Variants in PDE2A observed in about 807,000 individuals in gnomAD.
The protein encoded by PDE2A is phosphodiesterase 2A, also known as cGMP-dependent 3',5'-cyclic phosphodiesterase.
PDE2A carries 53 observed loss-of-function variants against 133.6 expected under a neutral mutation model. The observed-to-expected ratio is 0.40, with a 90% CI of 0.32 to 0.50. The LOEUF (loss-of-function observed/expected upper bound fraction) is 0.50. Among genes scored for constraint, PDE2A ranks in the 20% least tolerant of loss-of-function variants. PDE2A has a pLI of 0.73. For missense variants in PDE2A, 796 were observed against 1,232.4 expected, an observed-to-expected ratio of 0.65 and a Z score of 5.30; for synonymous variants, 491 against 490.2, an observed-to-expected ratio of 1.00 and a Z score of -0.02.
rs550852955 is a variant in PDE2A at position 72,621,978 on chromosome 11, C to A, written c.145-13227G>T. 7.9e-5 allele frequency among the ~76,000 whole-genome samples: 12 copies of A among 152,180 alleles called. No homozygotes were observed. In the East Asian group the frequency reaches 2.3e-3, roughly 29 times the overall value. ...GGTAATATCTGGAATATATAAAGAA[C>A]CCCTGCAATTCAATAACAACAAAAA... On this transcript the variant is annotated intron_variant, in intron 2 of 30. Coordinates refer to ENST00000334456, the MANE Select transcript of PDE2A (RefSeq NM_002599.5).
At position 72,674,278 on chromosome 11, in the gene PDE2A, A is replaced by G. The variant is rs1436350565; in HGVS notation, c.-71T>C. 1.4e-6 allele frequency: 2 copies of G among 1,478,690 alleles called. No individual in the cohort carries two copies. The highest frequency in any genetic ancestry group is 9.2e-7 in the Non-Finnish European group (1 of 1,089,686). 91.6% of individuals were successfully genotyped at this position (1,478,690 alleles called of 1,614,324 possible). ...GCCCTGTCCCCGCTGCCTGGAGTTC[A>G]GGGCAGGGCACCCCCAGCAGGCACA... On this transcript the variant is annotated 5_prime_UTR_variant, in exon 1 of 31. Coordinates refer to ENST00000334456, the MANE Select transcript of PDE2A (RefSeq NM_002599.5).
At chr11:72,668,218 G>C in intron 1 of PDE2A, 1 of 716,326 alleles carries the variant, frequency 1.4e-6, no homozygotes, top group African/African-American at 1.7e-5. Context: ...CTGCCATCTG[G>C]AACAGTAATG....
chr11:72,615,639 G>A (rs767719713), intron 2 of PDE2A, among the ~76,000 whole-genome samples: 10 of 150,298 alleles, frequency 6.7e-5, no homozygotes, highest in Non-Finnish European at 1.3e-4. Flanking sequence ...GGGAAGAACC[G>A]AGAGTGGTCC....
intron 19 of PDE2A, 190 bp from the exon 20 acceptor site, chr11:72,583,705 C>T: frequency 1.7e-6 from 1 of 594,764 alleles, no homozygotes; most frequent in Admixed American, 2.9e-5. Context: ...GCGCCGGTTC[C>T]TCCTCATCAA....
chr11:72,645,033 G>A (rs767450400), intron 1 of PDE2A, among the ~76,000 whole-genome samples: 2 of 152,200 alleles, frequency 1.3e-5, no homozygotes, highest in Non-Finnish European at 2.9e-5. Flanking sequence ...GGGATTACAG[G>A]TGTGAGCCAC....
At chr11:72,662,986 G>A (rs1855114670) in intron 1 of PDE2A, among the ~76,000 whole-genome samples, 1 of 152,040 alleles carries the variant, frequency 6.6e-6, no homozygotes, top group Admixed American at 6.6e-5. Context: ...TCACACCTTT[G>A]CTCTTACGGG....
At chr11:72,610,456 C>A (rs952727983) in intron 2 of PDE2A, among the ~76,000 whole-genome samples, 2 of 152,164 alleles carry the variant, frequency 1.3e-5, no homozygotes, top group Non-Finnish European at 2.9e-5. Context: ...GGCTTCAGCT[C>A]CAAATTTCAC....
At chr11:72,652,919 C>G (rs1264097469) in intron 1 of PDE2A, among the ~76,000 whole-genome samples, 1 of 152,238 alleles carries the variant, frequency 6.6e-6, no homozygotes, top group Admixed American at 6.5e-5. Context: ...AGACCACAGT[C>G]CCCTCCTCTC....
At position 72,608,821 on chromosome 11, in the gene PDE2A, C is replaced by G. The variant is rs1857083490; in HGVS notation, c.145-70G>C. 5 of 826,674 alleles carry G rather than the reference C, an allele frequency of 6.0e-6. No homozygotes were observed. The South Asian group carries it at 7.2e-5, about 12-fold the overall frequency. 51.2% of individuals were successfully genotyped at this position (826,674 alleles called of 1,614,324 possible). On this transcript the variant is annotated intron_variant, in intron 2 of 30. Coordinates refer to ENST00000334456, the MANE Select transcript of PDE2A (RefSeq NM_002599.5). ...AGGGCAGCCCCATCTGCCCAAAGGA[C>G]TGTGAGCAAAACCCCCCAGCTTAGT...
Position 72,590,380 on chromosome 11 carries a change from G to T in PDE2A, c.703+47C>A, listed in dbSNP as rs778757501. The T allele has an allele frequency of 6.4e-6, 10 of 1,567,092 alleles. No homozygotes were observed. ...CCTAACCCGCCCACCTCCCCTCCAA[G>T]TTCTGCCCGGCCCCGCCCTCGTGAC... On this transcript the variant is annotated intron_variant, in intron 8 of 30. Transcript: ENST00000334456. This position sits in a 1 kb window ranked among gnomAD's most constrained non-coding sequence, Gnocchi z 4.8.
chr11:72,664,364 A>ATTTTTTTTTTTTTTTT lies in PDE2A; in HGVS notation c.71+9757_71+9772dup, dbSNP rs34217943. On this transcript the variant is annotated intron_variant, in intron 1 of 30. Transcript: ENST00000334456. ...CAAAATAGGGCTAGCCCCTTGAAGG[A>ATTTTTTTTTTTTTTTT]TTTTTTTTTTTTTTTTTTTTTTTTT... is the stretch of plus-strand genomic sequence containing the variant. Among the ~76,000 whole-genome samples, 18 of 70,104 alleles carry ATTTTTTTTTTTTTTTT rather than the reference A, an allele frequency of 2.6e-4. 2 individuals are homozygous for ATTTTTTTTTTTTTTTT. The highest frequency in any genetic ancestry group is 3.3e-4 in the Non-Finnish European group (13 of 38,974). The allele number at this position is 70,104 out of a possible 152,430, so 46.0% of individuals were successfully genotyped here.
At chr11:72,616,446 C>T (rs1422536494) in intron 2 of PDE2A, among the ~76,000 whole-genome samples, 2 of 152,210 alleles carry the variant, frequency 1.3e-5, no homozygotes, top group Non-Finnish European at 2.9e-5. Flanking sequence ...CTCCAGGTCT[C>T]CAGCATTACC....
chr11:72,663,054 C>A (rs1406061505), intron 1 of PDE2A, among the ~76,000 whole-genome samples: 1 of 152,188 alleles, frequency 6.6e-6, no homozygotes, highest in African/African-American at 2.4e-5. Context: ...CTCAGTTGTT[C>A]TTTAAGGCTA....
intron 13 of PDE2A, among the ~76,000 whole-genome samples, chr11:72,588,453 C>A (rs976247520): frequency 6.6e-6 from 1 of 152,174 alleles, no homozygotes; most frequent in Non-Finnish European, 1.5e-5. Context: ...GTTGATGATG[C>A]TTTGTGGGTC....
Position 72,584,547 on chromosome 11 carries a change from G to T in PDE2A, c.1537+4C>A. On this transcript the variant is annotated splice_donor_region_variant and intron_variant, in intron 18 of 30. Transcript: ENST00000334456. ...CGCCCCTCCGCCCGGGCCGCCACGC[G>T]CACCCTGGTTCTCGTTCTTGATGGG... is the stretch of plus-strand genomic sequence containing the variant. 2 of 1,602,270 alleles carry T rather than the reference G, an allele frequency of 1.2e-6. No individual in the cohort carries two copies. Among genetic ancestry groups the T allele is most frequent in the Non-Finnish European group, 1.7e-6 (2 of 1,175,368 alleles).
intron 2 of PDE2A, among the ~76,000 whole-genome samples, chr11:72,623,355 C>T (rs1472336139): frequency 6.6e-6 from 1 of 152,132 alleles, no homozygotes; most frequent in African/African-American, 2.4e-5. Context: ...CCTGGCCCTC[C>T]TCCTCTGTCT....
chr11:72,636,190 C>T lies in PDE2A; in HGVS notation c.144+6064G>A, dbSNP rs1280239392. 2.9e-6 allele frequency: 3 copies of T among 1,026,178 alleles called. No homozygotes were observed. In the Admixed American group the frequency reaches 1.2e-4, roughly 42 times the overall value. 63.6% of individuals were successfully genotyped at this position (1,026,178 alleles called of 1,614,324 possible). ...TCTCAAGGGAGCTGAACAGGAAGGT[C>T]CTGGAGCTGCAGGGGGCAGCCACAT... On this transcript the variant is annotated intron_variant, in intron 2 of 30. Transcript: ENST00000334456.
Position 72,674,411 on chromosome 11 carries a change from T to A in PDE2A, c.-204A>T, listed in dbSNP as rs544402870. 1.8e-6 allele frequency: 1 copy of A among 568,868 alleles called. No individual in the cohort carries two copies. The highest frequency in any genetic ancestry group is 2.2e-5 in the South Asian group (1 of 46,076). 35.2% of individuals were successfully genotyped at this position (568,868 alleles called of 1,614,324 possible). The stretch of plus-strand genomic sequence containing the variant: ...CTCCCGCTGCCACTGCCTCTGCTGC[T>A]CGGCTGGCTCTGGGAGGAGGTTGGA... On this transcript the variant is annotated 5_prime_UTR_variant, in exon 1 of 31. Coordinates refer to ENST00000334456, the MANE Select transcript of PDE2A (RefSeq NM_002599.5).
chr11:72,584,164 C>CCA, intron 19 of PDE2A, 37 bp downstream of exon 19: 1 of 878,390 alleles, frequency 1.1e-6, no homozygotes, highest in Non-Finnish European at 1.9e-6. Flanking sequence ...GCCCCGCCCC[C>CCA]TATCACCCCA....
Sources: allele counts gnomAD v4.1 joint callset (sites outside exome capture counted in the v4.1 genomes callset), GRCh38; gene constraint gnomAD v4.1.1; non-coding constraint Gnocchi (gnomAD v3.1); transcripts MANE v1.5; gene names NCBI Gene and HGNC (gene_info 2026-07-23, HGNC 2026-07-21).